Variants in GAB1 observed in about 807,000 individuals in gnomAD.
GAB1 encodes GRB2 associated binding protein 1.
In GAB1, 19 loss-of-function variants were observed where a neutral mutation model predicts 66.5. The ratio of observed to expected loss-of-function variants is 0.29; its 90% CI spans 0.20 to 0.42. The LOEUF is 0.42. Among genes scored for constraint, GAB1 ranks in the 10% least tolerant of loss-of-function variants. The pLI is 1.00. For synonymous variants in GAB1, 294 were observed against 301.4 expected (o/e 0.98, Z 0.25); for missense variants, 732 against 858.5 (o/e 0.85, Z 1.84).
chr4:143,434,778 T>C (rs1253656550), intron 3 of GAB1, among the ~76,000 whole-genome samples: 1 of 152,180 alleles, frequency 6.6e-6, no homozygotes, highest in Admixed American at 6.6e-5. Flanking sequence ...CCACACCCCT[T>C]TCCTCTTCTA....
rs374288369 is a variant in GAB1, at chr4:143,463,127, T to G, written c.1803+2640T>G. ...TCATCATAGTCCATTCAACTCTCCCTTAGAAAAGAATATGAGAATTATAGC... is the reference window on the plus strand; with the variant it reads ...TCATCATAGTCCATTCAACTCTCCCGTAGAAAAGAATATGAGAATTATAGC... On this transcript the variant is annotated intron_variant, in intron 8 of 9. Transcript: ENST00000262994. 2.0e-5 allele frequency among the ~76,000 whole-genome samples: 3 copies of G among 152,126 alleles called. No individual in the cohort carries two copies. In the East Asian group the frequency reaches 5.8e-4, roughly 29 times the overall value.
chr4:143,380,097 T>G (rs898037040), intron 1 of GAB1, among the ~76,000 whole-genome samples: 1 of 150,882 alleles, frequency 6.6e-6, no homozygotes, highest in African/African-American at 2.4e-5. Context: ...GTCTAAGAGA[T>G]CATTTAAATC....
chr4:143,375,928 A>T (rs1730398020), intron 1 of GAB1, among the ~76,000 whole-genome samples: 1 of 152,150 alleles, frequency 6.6e-6, no homozygotes, highest in Admixed American at 6.5e-5. Flanking sequence ...CCCTGGAGGC[A>T]AAATAGCCGC....
chr4:143,457,232 T>G (rs1396625266), intron 6 of GAB1, among the ~76,000 whole-genome samples: 2 of 152,238 alleles, frequency 1.3e-5, no homozygotes, highest in Non-Finnish European at 2.9e-5. Flanking sequence ...GACGTAGGCC[T>G]TCGGGCTTTC....
At chr4:143,440,899 G>T (rs1008597658) in intron 6 of GAB1, among the ~76,000 whole-genome samples, 3 of 152,160 alleles carry the variant, frequency 2.0e-5, no homozygotes, top group African/African-American at 7.2e-5. Context: ...CTAGATAATG[G>T]CCTTCAGCTG....
At chr4:143,337,996 A>T (rs904869729) in intron 1 of GAB1, among the ~76,000 whole-genome samples, 1 of 152,132 alleles carries the variant, frequency 6.6e-6, no homozygotes, top group Non-Finnish European at 1.5e-5. Flanking sequence ...ACTCGGCAGG[A>T]GGGGACAGCT....
chr4:143,357,223 C>T (rs28989208), intron 1 of GAB1, among the ~76,000 whole-genome samples: 5,978 of 152,234 alleles, frequency 0.039, 181 homozygotes, highest in Admixed American at 0.089. Context: ...CTAGTGGATG[C>T]CCAGATCATA....
rs140408841 is a variant in GAB1 at position 143,383,703 on chromosome 4, A to G, written c.73-31774A>G. Among the ~76,000 whole-genome samples, 8 of 152,290 alleles carry G rather than the reference A, an allele frequency of 5.3e-5. No homozygotes were observed. In the South Asian group the frequency reaches 8.3e-4, roughly 16 times the overall value. On this transcript the variant is annotated intron_variant, in intron 1 of 9. Coordinates refer to ENST00000262994, the MANE Select transcript of GAB1 (RefSeq NM_002039.4). ...GTGAGCACATTTTCCACATCCCCAA[A>G]TATTTTTGAAAAATATTTCTTTTAA...
At chr4:143,452,372 A>T (rs891053061) in intron 6 of GAB1, among the ~76,000 whole-genome samples, 2 of 152,192 alleles carry the variant, frequency 1.3e-5, no homozygotes, top group African/African-American at 4.8e-5. Flanking sequence ...AAGCAAAGGG[A>T]GGGTATGAAT....
intron 1 of GAB1, among the ~76,000 whole-genome samples, chr4:143,389,546 G>A (rs1340489419): frequency 6.6e-6 from 1 of 152,182 alleles, no homozygotes; most frequent in Non-Finnish European, 1.5e-5. Context: ...GAGGGAAAGT[G>A]CAGGGGTCTC....
intron 1 of GAB1, among the ~76,000 whole-genome samples, chr4:143,397,043 C>G (rs1249305510): frequency 6.6e-6 from 1 of 152,166 alleles, no homozygotes; most frequent in East Asian, 1.9e-4. Flanking sequence ...GCCTGATAAA[C>G]TGTTCTGTAC....
chr4:143,377,089 G>T (rs1408528843), intron 1 of GAB1, among the ~76,000 whole-genome samples: 3 of 151,396 alleles, frequency 2.0e-5, no homozygotes, highest in African/African-American at 7.3e-5. Flanking sequence ...TTTAGATTTA[G>T]TCTGGTGGTT....
chr4:143,349,159 TC>T (rs1196991517), intron 1 of GAB1: 10 of 436,548 alleles, frequency 2.3e-5, no homozygotes, highest in East Asian at 4.0e-5. Context: ...CCTTCATAGG[TC>T]CCCCCCTTCC....
At chr4:143,408,960 A>G (rs1732214522) in intron 1 of GAB1, among the ~76,000 whole-genome samples, 1 of 152,226 alleles carries the variant, frequency 6.6e-6, no homozygotes, top group Admixed American at 6.5e-5. Flanking sequence ...AGGAATGTAG[A>G]AAGTATTGCT....
chr4:143,353,163 T>A (rs1388598308), intron 1 of GAB1, among the ~76,000 whole-genome samples: 1 of 152,196 alleles, frequency 6.6e-6, no homozygotes, highest in Non-Finnish European at 1.5e-5. Context: ...GTTATTCTGG[T>A]TATTGGATCT....
chr4:143,410,672 G>A (rs1732335043), intron 1 of GAB1, among the ~76,000 whole-genome samples: 1 of 152,150 alleles, frequency 6.6e-6, no homozygotes. Flanking sequence ...TATGTCTGTA[G>A]AGTTTTAAAA....
rs3049720 is a variant in GAB1 at position 143,378,629 on chromosome 4, GTCTCTCTCTCTCTC to G, written c.73-36817_73-36804del. On this transcript the variant is annotated intron_variant, in intron 1 of 9. Transcript: ENST00000262994. The stretch of plus-strand genomic sequence containing the variant: ...GACAGCCTATTGGAACTTCCAAAGT[GTCTCTCTCTCTCTC>G]TCTCTCTCTCTCTCTCTCTCTCTCT... Among the ~76,000 whole-genome samples the G allele has an allele frequency of 2.6e-3, 341 of 129,236 alleles. 1 individual carries two copies. Among genetic ancestry groups the G allele is most frequent in the African/African-American group, 6.8e-3 (232 of 33,992 alleles). The allele number at this position is 129,236 out of a possible 152,430, so 84.8% of individuals were successfully genotyped here.
chr4:143,410,681 A>C (rs1490489778), intron 1 of GAB1, among the ~76,000 whole-genome samples: 1 of 152,228 alleles, frequency 6.6e-6, no homozygotes, highest in Non-Finnish European at 1.5e-5. Flanking sequence ...AGAGTTTTAA[A>C]AACAAATTAA....
chr4:143,465,175 T>A (rs778385666), intron 8 of GAB1, among the ~76,000 whole-genome samples: 1 of 152,178 alleles, frequency 6.6e-6, no homozygotes, highest in Non-Finnish European at 1.5e-5. Context: ...TAGAACCCTG[T>A]TGTAATTAGA....
Sources: gnomAD v4.1 joint callset for allele counts (sites outside exome capture counted in the v4.1 genomes callset) on GRCh38, gnomAD v4.1.1 for gene constraint, MANE v1.5 for transcripts, NCBI Gene and HGNC (gene_info 2026-07-23, HGNC 2026-07-21) for gene names.